LYN: variants seen among roughly 807,000 people sequenced by gnomAD.
LYN encodes LYN proto-oncogene, Src family tyrosine kinase.
LYN carries 12 observed loss-of-function variants against 65.0 expected under a neutral mutation model. The ratio of observed to expected loss-of-function variants is 0.18; its 90% confidence interval spans 0.12 to 0.30. The LOEUF is 0.30. Ranked by LOEUF, LYN falls within the 10% of genes least tolerant of loss-of-function variation. LYN has a pLI of 1.00. For synonymous variants in LYN, 222 were observed against 221.2 expected (o/e 1.00, Z -0.03); for missense variants, 380 against 623.2 (o/e 0.61, Z 4.16).
chr8:55,956,707 G>A (rs1034175482), intron 8 of LYN, among the ~76,000 whole-genome samples: 11 of 152,142 alleles, frequency 7.2e-5, no homozygotes, highest in Admixed American at 2.6e-4. Context: ...CCTTGAACAT[G>A]TCTATTCCAA....
chr8:55,909,050 CA>C lies in LYN; in HGVS notation c.-6+28948del, dbSNP rs1163918288. Among the ~76,000 whole-genome samples the C allele has an allele frequency of 7.7e-4, 43 of 55,856 alleles. 3 individuals are homozygous for C. Among genetic ancestry groups the C allele is most frequent in the Admixed American group, 1.4e-3 (8 of 5,794 alleles). 36.6% of individuals were successfully genotyped at this position (55,856 alleles called of 152,430 possible). ...ACACACACACACACACACACACACA[CA>C]CCCCACATTTTCTTTACTTTTATTT... On this transcript the variant is annotated intron_variant, in intron 1 of 12. Coordinates refer to ENST00000519728, the MANE Select transcript of LYN (RefSeq NM_002350.4).
chr8:55,964,251 A>AG (rs1807379593), intron 8 of LYN, among the ~76,000 whole-genome samples: 1 of 151,964 alleles, frequency 6.6e-6, no homozygotes, highest in Non-Finnish European at 1.5e-5. Context: ...GTTTTAGAGA[A>AG]GGGGGTCTCA....
intron 1 of LYN, among the ~76,000 whole-genome samples, chr8:55,933,965 C>T (rs985272330): frequency 5.9e-5 from 9 of 152,342 alleles, no homozygotes; most frequent in Non-Finnish European, 4.4e-5. Context: ...CAGTGGCTCA[C>T]ACCTGTAATC....
intron 9 of LYN, among the ~76,000 whole-genome samples, chr8:55,967,283 G>T (rs905166512): frequency 6.0e-5 from 8 of 133,236 alleles, no homozygotes; most frequent in Non-Finnish European, 9.7e-5. Context: ...AGTACGGATT[G>T]TTCAGTACCA....
At position 55,953,957 on chromosome 8, in the gene LYN, G is replaced by A. The variant is rs376329765; in HGVS notation, c.763G>A (p.Ala255Thr). The change falls in exon 8 of 13, where the codon GCT becomes ACT. Residue 255 changes from alanine to threonine, a missense_variant. By Grantham distance (58) the Ala-to-Thr change is moderately conservative. This residue lies in a region of LYN where 223 missense variants were observed against 430.0 expected (regional missense o/e 0.52). Coordinates refer to ENST00000519728, the MANE Select transcript of LYN (RefSeq NM_002350.4). ...CATCAAGTTGGTGAAAAGGCTTGGC[G>A]CTGGGCAGTTTGGGGAAGTCTGGAT... ...ESIKLVKRLG[A>T]GQFGEVWMGY... The A allele has an allele frequency of 3.7e-6, 6 of 1,613,992 alleles. No individual in the cohort carries two copies. The highest frequency in any genetic ancestry group is 2.7e-5 in the African/African-American group (2 of 74,932).
chr8:55,912,284 C>T (rs1021723319), intron 1 of LYN, among the ~76,000 whole-genome samples: 4 of 152,136 alleles, frequency 2.6e-5, no homozygotes, highest in African/African-American at 4.8e-5. Context: ...AAATGTTTTT[C>T]GTAATGAAGT....
intron 1 of LYN, among the ~76,000 whole-genome samples, chr8:55,914,980 T>C (rs1805744193): frequency 1.3e-5 from 2 of 152,236 alleles, no homozygotes; most frequent in Non-Finnish European, 2.9e-5. Context: ...TTAGGGTAAT[T>C]TAATAATTGT....
At chr8:55,983,406 C>A (rs576906022) in intron 10 of LYN, among the ~76,000 whole-genome samples, 1 of 152,214 alleles carries the variant, frequency 6.6e-6, no homozygotes, top group Admixed American at 6.5e-5. Context: ...CTGCACTTCC[C>A]ATAGGAATCA....
intron 10 of LYN, among the ~76,000 whole-genome samples, chr8:55,997,810 C>G (rs1303697385): frequency 6.6e-6 from 1 of 152,146 alleles, no homozygotes; most frequent in African/African-American, 2.4e-5. Flanking sequence ...CATGGCCAGG[C>G]GCGGTGGCTC....
rs373304146 is a variant in LYN, at chr8:55,991,087, A to G, written c.1051-7259A>G. On this transcript the variant is annotated intron_variant, in intron 10 of 12. Coordinates refer to ENST00000519728, the MANE Select transcript of LYN (RefSeq NM_002350.4). Reference sequence around the variant, plus strand: ...CACGTCAACTTAAGCAGCTGTGTCCATAGTGGCCTCTGAGATGCTGCTCGG... The same window carrying G: ...CACGTCAACTTAAGCAGCTGTGTCCGTAGTGGCCTCTGAGATGCTGCTCGG... Among the ~76,000 whole-genome samples, 5 of 152,200 alleles carry G rather than the reference A, an allele frequency of 3.3e-5. No individual in the cohort carries two copies. In the South Asian group the frequency reaches 8.3e-4, roughly 25 times the overall value.
At chr8:55,925,623 G>A (rs1197413593) in intron 1 of LYN, among the ~76,000 whole-genome samples, 1 of 152,072 alleles carries the variant, frequency 6.6e-6, no homozygotes, top group Non-Finnish European at 1.5e-5. Context: ...GGGGATGGGC[G>A]TTATTATTAC....
chr8:55,981,537 A>G (rs1458916867), intron 10 of LYN, among the ~76,000 whole-genome samples: 2 of 152,182 alleles, frequency 1.3e-5, no homozygotes, highest in South Asian at 2.1e-4. Context: ...TTTTTTTAAT[A>G]TAGAGATAGG....
intron 1 of LYN, among the ~76,000 whole-genome samples, chr8:55,896,831 C>T (rs1227464784): frequency 6.6e-6 from 1 of 152,104 alleles, no homozygotes; most frequent in South Asian, 2.1e-4. Context: ...CTCTGCCTTC[C>T]GGGTTCAAGC....
At chr8:55,932,763 T>C (rs1168959052) in intron 1 of LYN, among the ~76,000 whole-genome samples, 1 of 152,184 alleles carries the variant, frequency 6.6e-6, no homozygotes, top group African/African-American at 2.4e-5. Flanking sequence ...CTCGCATTTA[T>C]ATACCAGGGA....
intron 1 of LYN, among the ~76,000 whole-genome samples, chr8:55,901,006 G>T (rs567073377): frequency 6.6e-6 from 1 of 152,164 alleles, no homozygotes; most frequent in Non-Finnish European, 1.5e-5. Flanking sequence ...TTCCTGTTCT[G>T]GTTTCTTGGT....
intron 8 of LYN, among the ~76,000 whole-genome samples, chr8:55,956,302 C>T (rs144375678): frequency 7.8e-4 from 118 of 151,970 alleles, no homozygotes; most frequent in African/African-American, 2.8e-3. Flanking sequence ...TTATTATTGC[C>T]GTTGACCACC....
intron 1 of LYN, among the ~76,000 whole-genome samples, chr8:55,900,307 A>T (rs1240062561): frequency 6.6e-6 from 1 of 152,220 alleles, no homozygotes; most frequent in Non-Finnish European, 1.5e-5. Context: ...ACTTCAGCTG[A>T]CAACTCAGTT....
chr8:55,940,919 G>C (rs938407164), intron 1 of LYN, among the ~76,000 whole-genome samples: 6 of 152,074 alleles, frequency 3.9e-5, no homozygotes, highest in Non-Finnish European at 8.8e-5. Context: ...CATGGCTTGC[G>C]GAGACCGTCA....
intron 10 of LYN, among the ~76,000 whole-genome samples, chr8:55,997,531 C>A (rs931402378): frequency 2.0e-5 from 3 of 152,116 alleles, no homozygotes; most frequent in Non-Finnish European, 4.4e-5. Flanking sequence ...TCTGGGGTCT[C>A]TTTTACAAGG....
Sources: gnomAD v4.1 joint callset for allele counts (sites outside exome capture counted in the v4.1 genomes callset) on GRCh38, gnomAD v4.1.1 for gene constraint, gnomAD v4.1.1 regional missense constraint, MANE v1.5 for transcripts, NCBI Gene and HGNC (gene_info 2026-07-23, HGNC 2026-07-21) for gene names.